Variants in TCHP observed in about 807,000 individuals in gnomAD.
TCHP encodes trichoplein keratin filament-binding protein.
In TCHP, 81 loss-of-function variants were observed where a neutral mutation model predicts 88.7. That is an observed-to-expected ratio of 0.91 (90% confidence interval 0.76 to 1.10). TCHP has a LOEUF of 1.10. Ranked by LOEUF, TCHP falls within the 50% of genes least tolerant of loss-of-function variation. The pLI, the probability that TCHP is intolerant of heterozygous loss-of-function variation, is 0.00. For synonymous variants in TCHP, 232 were observed against 232.5 expected, an observed-to-expected ratio of 1.00 and a Z score of 0.02; for missense variants, 641 against 632.1, an observed-to-expected ratio of 1.01 and a Z score of -0.15.
the TCHP span, among the ~76,000 whole-genome samples, chr12:109,894,336 T>G: frequency 5.9e-5 from 9 of 151,494 alleles, no homozygotes; most frequent in Admixed American, 5.9e-4. Context: ...GGTGGGCACC[T>G]GTAATCCCAG....
chr12:109,913,035 C>A lies in TCHP; in HGVS notation c.1097C>A (p.Ala366Asp). The A allele has an allele frequency of 3.1e-6, 5 of 1,613,890 alleles. No individual in the cohort carries two copies. Among genetic ancestry groups the A allele is most frequent in the Non-Finnish European group, 4.2e-6 (5 of 1,180,008 alleles). Residue 366 changes from alanine to aspartate, a missense_variant, in exon 10 of 13, where the codon GCC becomes GAC. Coordinates refer to ENST00000405876, the MANE Select transcript of TCHP (RefSeq NM_001143852.2). The part of the protein sequence containing the change: ...EMWEKREAEW[A>D]RERSARDRLM... ...TGGGAAAAGAGAGAGGCAGAGTGGG[C>A]CCGAGAGCGCAGCGCACGGGACAGA...
Position 109,911,184 on chromosome 12 carries a change from AGCAGCT to A in TCHP, c.1009_1014del (p.Gln337_Leu338del), listed in dbSNP as rs764785153. ...GCCTGGATGAAGCAGGCCATTGAGGAGCAGCTGCAGCTGGAGCGGGCGCGGGAGGCA... is the reference window on the plus strand; with the variant it reads ...GCCTGGATGAAGCAGGCCATTGAGGAGCAGCTGGAGCGGGCGCGGGAGGCA... On this transcript the variant is annotated inframe_deletion, in exon 9 of 13. Transcript: ENST00000405876. 1.3e-6 allele frequency: 2 copies of A among 1,590,394 alleles called. No individual in the cohort carries two copies. The highest frequency in any genetic ancestry group is 8.5e-7 in the Non-Finnish European group (1 of 1,171,098).
chr12:109,904,881 G>A (rs1870041804), intron 4 of TCHP, 88 bp downstream of exon 4: 10 of 1,253,468 alleles, frequency 8.0e-6, no homozygotes, highest in East Asian at 4.8e-5. Flanking sequence ...ATCTTGTACC[G>A]GGTTGAAACA....
At position 109,904,151 on chromosome 12, in the gene TCHP, A is replaced by G. The variant is rs1339976155; in HGVS notation, c.399+4A>G. On this transcript the variant is annotated splice_donor_region_variant and intron_variant, in intron 3 of 12. Coordinates refer to ENST00000405876, the MANE Select transcript of TCHP (RefSeq NM_001143852.2). ...CAAAGAAGAGCAGAGGAAACTGGTA[A>G]CTCCCCAGAGGGCTTCAGGAGGCTG... The G allele has an allele frequency of 3.8e-6, 6 of 1,562,404 alleles. No homozygotes were observed. The highest frequency in any genetic ancestry group is 5.2e-6 in the Non-Finnish European group (6 of 1,153,184).
intron 7 of TCHP, 70 bp from the exon 8 acceptor site, chr12:109,908,801 A>G (rs1825856487): frequency 6.3e-7 from 1 of 1,585,426 alleles, no homozygotes; most frequent in East Asian, 2.2e-5. Context: ...CAGCCTGGTC[A>G]GCAGTTATCT....
the TCHP span, among the ~76,000 whole-genome samples, chr12:109,888,893 A>G: frequency 0.022 from 3,288 of 152,182 alleles, 107 homozygotes; most frequent in African/African-American, 0.075. Context: ...TGGCTAGAAC[A>G]CACTCTCTCC....
chr12:109,894,795 G>C, the TCHP span, among the ~76,000 whole-genome samples: 2 of 141,468 alleles, frequency 1.4e-5, no homozygotes, highest in Non-Finnish European at 3.1e-5. Context: ...AAAAGACTTT[G>C]TTGGAGTCCA....
the TCHP span, among the ~76,000 whole-genome samples, chr12:109,893,991 C>T: frequency 6.6e-6 from 1 of 152,076 alleles, no homozygotes; most frequent in East Asian, 1.9e-4. Context: ...CAAGACCAGC[C>T]TGGCCACTAT....
chr12:109,908,058 G>A (rs1018305308), intron 6 of TCHP, among the ~76,000 whole-genome samples: 47 of 152,288 alleles, frequency 3.1e-4, no homozygotes, highest in Middle Eastern at 3.4e-3. Flanking sequence ...AGCAGGTTTC[G>A]GGTCTCGAGG....
chr12:109,893,167 G>T, the TCHP span, among the ~76,000 whole-genome samples: 1 of 152,102 alleles, frequency 6.6e-6, no homozygotes. Flanking sequence ...ATCACCTGAG[G>T]TCAGGAGTTC....
At chr12:109,914,197 A>G (rs1265243209) in intron 10 of TCHP, 4 of 314,230 alleles carry the variant, frequency 1.3e-5, no homozygotes, top group Non-Finnish European at 2.4e-5. Context: ...CTGTCTCTCC[A>G]TAGTACACAG....
intron 4 of TCHP, among the ~76,000 whole-genome samples, chr12:109,906,095 A>C (rs1452994715): frequency 6.6e-6 from 1 of 152,218 alleles, no homozygotes; most frequent in Non-Finnish European, 1.5e-5. Context: ...ATCTCTTACT[A>C]ACAATGCTAA....
chr12:109,896,336 A>T (rs1255771971), upstream of TCHP, among the ~76,000 whole-genome samples: 1 of 152,192 alleles, frequency 6.6e-6, no homozygotes, highest in African/African-American at 2.4e-5. Context: ...GGTTTGTTGT[A>T]AATCCTGGCT....
chr12:109,886,657 C>T, the TCHP span, among the ~76,000 whole-genome samples: 4 of 152,076 alleles, frequency 2.6e-5, no homozygotes, highest in Non-Finnish European at 4.4e-5. Context: ...AATGGCATTT[C>T]GAAACCAAGA....
chr12:109,891,067 T>C, the TCHP span, among the ~76,000 whole-genome samples: 1 of 152,246 alleles, frequency 6.6e-6, no homozygotes, highest in African/African-American at 2.4e-5. Flanking sequence ...TCTTCTCTTA[T>C]TAACTTCCCT....
chr12:109,889,184 C>T, the TCHP span, among the ~76,000 whole-genome samples: 3 of 151,990 alleles, frequency 2.0e-5, no homozygotes, highest in South Asian at 2.1e-4. Context: ...AAGTAAAAGA[C>T]GACTCTGGGC....
intron 5 of TCHP, among the ~76,000 whole-genome samples, chr12:109,906,906 G>A (rs891654112): frequency 4.6e-4 from 70 of 151,992 alleles, no homozygotes; most frequent in African/African-American, 1.6e-3. Context: ...TTTTTCTTTT[G>A]GAGGCAGGGT....
At chr12:109,894,475 G>GA in the TCHP span, among the ~76,000 whole-genome samples, 1 of 117,308 alleles carries the variant, frequency 8.5e-6, no homozygotes. Flanking sequence ...AAAAAAAAAA[G>GA]AAAAAAAAGG....
chr12:109,887,584 T>A, the TCHP span, among the ~76,000 whole-genome samples: 1 of 152,108 alleles, frequency 6.6e-6, no homozygotes, highest in African/African-American at 2.4e-5. Flanking sequence ...CAATCCCCCA[T>A]AGGTTACAAC....
Sources: gnomAD v4.1 joint callset for allele counts (sites outside exome capture counted in the v4.1 genomes callset) on GRCh38, gnomAD v4.1.1 for gene constraint, MANE v1.5 for transcripts, NCBI Gene and HGNC (gene_info 2026-07-23, HGNC 2026-07-21) for gene names.